CNTN4: variants seen among roughly 807,000 people sequenced by gnomAD.
CNTN4 encodes contactin-4.
In CNTN4, 77 loss-of-function variants were observed where a neutral mutation model predicts 122.5. The ratio of observed to expected loss-of-function variants is 0.63; its 90% confidence interval spans 0.52 to 0.76. The LOEUF is 0.76. Ranked by LOEUF, CNTN4 falls within the 30% of genes least tolerant of loss-of-function variation. The pLI, the probability that CNTN4 is intolerant of heterozygous loss-of-function variation, is 0.00. For synonymous variants in CNTN4, 512 were observed against 447.0 expected (o/e 1.15, Z -1.83); for missense variants, 1,256 against 1,259.1 (o/e 1.00, Z 0.04).
intron 10 of CNTN4, among the ~76,000 whole-genome samples, chr3:2,893,730 C>A (rs62234248): frequency 0.11 from 16,765 of 151,952 alleles, 979 homozygotes; most frequent in South Asian, 0.16. Flanking sequence ...CTCTATAGTC[C>A]CAGAGAAGGC....
Position 2,916,683 on chromosome 3 carries a change from G to A in CNTN4, c.1208-8946G>A, listed in dbSNP as rs556249625. On this transcript the variant is annotated intron_variant, in intron 12 of 24. Transcript: ENST00000418658. Reference sequence around the variant, plus strand: ...CCTTCCACTCGACAAAACCGCCATCGTCATCATGGCCCGTTCTCAATGAGC... The same window carrying A: ...CCTTCCACTCGACAAAACCGCCATCATCATCATGGCCCGTTCTCAATGAGC... 1.2e-4 allele frequency among the ~76,000 whole-genome samples: 16 copies of A among 133,424 alleles called. 5 individuals are homozygous for A. The highest frequency in any genetic ancestry group is 1.9e-4 in the Non-Finnish European group (12 of 62,736). The allele number at this position is 133,424 out of a possible 152,430, so 87.5% of individuals were successfully genotyped here. A position where few individuals can be genotyped will look rare whatever the true frequency, so the allele number is the denominator to read the frequency against.
intron 6 of CNTN4, among the ~76,000 whole-genome samples, chr3:2,761,507 T>C (rs2090590756): frequency 6.6e-6 from 1 of 151,932 alleles, no homozygotes; most frequent in Admixed American, 6.6e-5. Flanking sequence ...CACATGTAGA[T>C]GTACATTAAC....
intron 4 of CNTN4, among the ~76,000 whole-genome samples, chr3:2,716,418 G>T (rs114154717): frequency 6.6e-6 from 1 of 151,714 alleles, no homozygotes; most frequent in Non-Finnish European, 1.5e-5. Flanking sequence ...AGCACATTGC[G>T]TAGTCCCTGT....
Position 2,745,556 on chromosome 3 carries a change from A to G in CNTN4, c.217A>G (p.Met73Val), listed in dbSNP as rs1576638844. 2 of 1,614,174 alleles carry G rather than the reference A, an allele frequency of 1.2e-6. No individual in the cohort carries two copies. The highest frequency in any genetic ancestry group is 2.2e-5 in the East Asian group (1 of 44,874). Residue 73 changes from methionine (M) to valine (V), a missense_variant, in exon 6 of 25, where the codon ATG becomes GTG. Physicochemically the swap from Met to Val is conservative, Grantham distance 21. Transcript: ENST00000418658. ...AAATGGAACAGATGTTGACACTGGT[A>G]TGGATTTCCGCTACAGTGTTGTTGA... ...KLNGTDVDTG[M>V]DFRYSVVEGS...
intron 4 of CNTN4, among the ~76,000 whole-genome samples, chr3:2,586,465 G>A (rs1453823689): frequency 6.6e-6 from 1 of 152,084 alleles, no homozygotes; most frequent in African/African-American, 2.4e-5. Flanking sequence ...GCTAGTTTTT[G>A]TATTTTTAGT....
At chr3:2,376,308 A>G (rs1406734558) in intron 3 of CNTN4, among the ~76,000 whole-genome samples, 1 of 152,178 alleles carries the variant, frequency 6.6e-6, no homozygotes, top group Non-Finnish European at 1.5e-5. Context: ...CCAAATTAGA[A>G]CACTTTCTTG....
chr3:2,320,115 T>A (rs2043231412), intron 2 of CNTN4, among the ~76,000 whole-genome samples: 1 of 152,172 alleles, frequency 6.6e-6, no homozygotes. Flanking sequence ...GTTGGGGATA[T>A]AATTCTGGAA....
At chr3:2,886,991 G>C in intron 9 of CNTN4, 49 bp from the exon 10 acceptor site, 1 of 1,533,638 alleles carries the variant, frequency 6.5e-7, no homozygotes, top group Non-Finnish European at 9.0e-7. Context: ...TCAGATAAAA[G>C]GTCCAGTTTT....
intron 13 of CNTN4, among the ~76,000 whole-genome samples, chr3:2,933,033 A>G (rs1053195016): frequency 2.6e-5 from 4 of 152,154 alleles, no homozygotes; most frequent in African/African-American, 7.2e-5. Context: ...CGTGTTAGCC[A>G]GGATGGTCTC....
intron 3 of CNTN4, among the ~76,000 whole-genome samples, chr3:2,487,526 C>T (rs115457074): frequency 5.8e-4 from 89 of 152,308 alleles, no homozygotes; most frequent in African/African-American, 2.1e-3. Context: ...TCAAAAAGCC[C>T]TAGTCAATTA....
chr3:2,863,388 G>A (rs1416937123), intron 7 of CNTN4, among the ~76,000 whole-genome samples: 1 of 148,740 alleles, frequency 6.7e-6, no homozygotes, highest in Non-Finnish European at 1.5e-5. Context: ...GAACCATGTT[G>A]GTTAGGTTCC....
At chr3:2,307,309 C>A (rs1011676140) in intron 2 of CNTN4, among the ~76,000 whole-genome samples, 72 of 152,192 alleles carry the variant, frequency 4.7e-4, no homozygotes, top group African/African-American at 1.6e-3. Context: ...GTGGCGGGCG[C>A]CTGTAGTCCC....
chr3:2,672,110 G>A lies in CNTN4; in HGVS notation c.56-64105G>A, dbSNP rs13077769. ...TGTCTGTTCTCAGATCTCAAGCTGC[G>A]TGCTGGGAGAACCACCACTGTCTTC... On this transcript the variant is annotated intron_variant, in intron 4 of 24. Transcript: ENST00000418658. 7.8e-3 allele frequency among the ~76,000 whole-genome samples: 1,192 copies of A among 152,282 alleles called. 13 individuals are homozygous for A. The highest frequency in any genetic ancestry group is 0.01 in the Middle Eastern group (3 of 294).
intron 14 of CNTN4, among the ~76,000 whole-genome samples, chr3:3,009,407 T>G (rs1013932298): frequency 1.3e-5 from 2 of 152,140 alleles, no homozygotes; most frequent in Non-Finnish European, 2.9e-5. Context: ...ATTCAATATC[T>G]AATATTTCTC....
rs1322966815 is a variant in CNTN4 at position 2,152,620 on chromosome 3, A to C, written c.-145+51981A>C. ...TGTGACTCCAAGTGTTTTGTCCTGA[A>C]AAAATAGAAGATTGAGATGGGAAAG... is the stretch of plus-strand genomic sequence containing the variant. On this transcript the variant is annotated intron_variant, in intron 2 of 24. Coordinates refer to ENST00000418658, the MANE Select transcript of CNTN4 (RefSeq NM_175607.3). Among the ~76,000 whole-genome samples the C allele has an allele frequency of 2.0e-5, 3 of 152,154 alleles. No individual in the cohort carries two copies. In the East Asian group the frequency reaches 5.8e-4, roughly 29 times the overall value.
intron 13 of CNTN4, among the ~76,000 whole-genome samples, chr3:2,966,283 A>G (rs1393156371): frequency 1.3e-5 from 2 of 152,130 alleles, no homozygotes; most frequent in Non-Finnish European, 2.9e-5. Context: ...TCAGTTAGAC[A>G]TATTTGGATT....
At chr3:2,128,376 A>G (rs2034286340) in intron 2 of CNTN4, among the ~76,000 whole-genome samples, 1 of 152,208 alleles carries the variant, frequency 6.6e-6, no homozygotes, top group South Asian at 2.1e-4. Flanking sequence ...TAAATTTAAC[A>G]TTTACAGAAA....
intron 12 of CNTN4, among the ~76,000 whole-genome samples, chr3:2,919,730 A>G (rs4453822): frequency 0.56 from 84,712 of 151,674 alleles, 23,659 homozygotes; most frequent in East Asian, 0.68. Flanking sequence ...AAGAAAGTCG[A>G]TGTGATTACA....
intron 2 of CNTN4, among the ~76,000 whole-genome samples, chr3:2,186,732 C>A (rs191333399): frequency 4.6e-5 from 7 of 152,070 alleles, no homozygotes; most frequent in Non-Finnish European, 1.0e-4. Context: ...ATGTCTTCTT[C>A]TGAGAAGTGT....
Sources: gnomAD v4.1 joint callset for allele counts (sites outside exome capture counted in the v4.1 genomes callset) on GRCh38, gnomAD v4.1.1 for gene constraint, MANE v1.5 for transcripts, NCBI Gene and HGNC (gene_info 2026-07-23, HGNC 2026-07-21) for gene names.